The following CAPN3 variants were observed in gnomAD, a reference collection of about 807,000 sequenced individuals.
CAPN3 encodes the protein calpain 3.
In CAPN3, 88 loss-of-function variants were observed where a neutral mutation model predicts 114.0. The ratio of observed to expected loss-of-function variants is 0.77; its 90% CI spans 0.65 to 0.92. The LOEUF is 0.92. Ranked by LOEUF, CAPN3 falls within the 40% of genes least tolerant of loss-of-function variation. The probability of loss-of-function intolerance (pLI) is 0.00; values close to 1 mark genes in which losing one functional copy is unlikely to be tolerated. For synonymous variants in CAPN3, 386 were observed against 382.9 expected, an observed-to-expected ratio of 1.01 and a Z score of -0.09; for missense variants, 1,028 against 1,069.0, an observed-to-expected ratio of 0.96 and a Z score of 0.53.
At chr15:42,403,681 C>T in intron 13 of CAPN3, 60 bp from the exon 14 acceptor site, 1 of 1,506,716 alleles carries the variant, frequency 6.6e-7, no homozygotes. Flanking sequence ...GCAAACCGTC[C>T]ACGGGCCTCC....
rs1275251139 is a variant in CAPN3, at chr15:42,394,262, T to C, written c.1036T>C (p.Phe346Leu). ...YSVTGLDEVP[F>L]KGEKVKLVRL... Reference sequence around the variant, plus strand: ...CTCTTTCTGTGTGCTTAAGGTCCCGTTCAAAGGTGAGAAAGTGAAGCTGGT... The same window carrying C: ...CTCTTTCTGTGTGCTTAAGGTCCCGCTCAAAGGTGAGAAAGTGAAGCTGGT... The change falls in exon 8 of 24, where the codon TTC becomes CTC. Residue 346 changes from phenylalanine to leucine, a missense_variant. By Grantham distance (22) the Phe-to-Leu change is conservative. Transcript: ENST00000397163. The C allele has an allele frequency of 1.3e-6, 2 of 1,557,274 alleles. No individual in the cohort carries two copies. Among genetic ancestry groups the C allele is most frequent in the Admixed American group, 1.9e-5 (1 of 51,586 alleles).
intron 1 of CAPN3, among the ~76,000 whole-genome samples, chr15:42,378,216 C>T (rs2053140634): frequency 6.6e-6 from 1 of 152,234 alleles, no homozygotes; most frequent in Non-Finnish European, 1.5e-5. Flanking sequence ...TGAGTCAACA[C>T]ACCTGTGGGT....
At chr15:42,408,575 G>C (rs938590665) in intron 16 of CAPN3, 7 of 475,936 alleles carry the variant, frequency 1.5e-5, no homozygotes, top group African/African-American at 1.4e-4. Flanking sequence ...AGCTGATCCA[G>C]CCAGGATACA....
In CAPN3 at chr15:42,390,399, TC is replaced by T. The variant is rs372768365; in HGVS notation, c.945+305del. 1.7e-4 allele frequency among the ~76,000 whole-genome samples: 26 copies of T among 152,362 alleles called. 1 individual carries two copies. In the South Asian group the frequency reaches 5.2e-3, roughly 30 times the overall value. ...TACTTCATTTATTTTGAAATATTTT[TC>T]CTCTTCTAATGTATTCATTTATTCA... On this transcript the variant is annotated intron_variant, in intron 6 of 23. Coordinates refer to ENST00000397163, the MANE Select transcript of CAPN3 (RefSeq NM_000070.3).
chr15:42,388,575 G>A (rs535345271), intron 4 of CAPN3, among the ~76,000 whole-genome samples: 1 of 152,230 alleles, frequency 6.6e-6, no homozygotes, highest in Admixed American at 6.5e-5. Context: ...CCGAAGCGCT[G>A]GGATTGCCGG....
chr15:42,367,542 A>G (rs16973182), intron 1 of CAPN3, among the ~76,000 whole-genome samples: 7,997 of 152,306 alleles, frequency 0.053, 651 homozygotes, highest in African/African-American at 0.17. Flanking sequence ...AAAAGCTGCT[A>G]TTTTTAAAAT....
intron 6 of CAPN3, among the ~76,000 whole-genome samples, chr15:42,392,114 G>A (rs765151254): frequency 6.6e-6 from 1 of 152,104 alleles, no homozygotes; most frequent in African/African-American, 2.4e-5. Flanking sequence ...GCAGTGAGCC[G>A]AGATCGCGCC....
chr15:42,402,469 C>G (rs748758429), intron 12 of CAPN3: 20 of 1,426,756 alleles, frequency 1.4e-5, no homozygotes, highest in Non-Finnish European at 1.8e-5. Context: ...ATGGAGGAAT[C>G]ACTTCCCTCA....
intron 23 of CAPN3, 100 bp downstream of exon 23, chr15:42,411,445 CAGT>C (rs2054230092): frequency 9.1e-7 from 1 of 1,103,634 alleles, no homozygotes; most frequent in South Asian, 1.2e-5. Flanking sequence ...CATTTCCACA[CAGT>C]GGTGGAGGGA....
intron 10 of CAPN3, among the ~76,000 whole-genome samples, chr15:42,400,474 TA>T (rs1192298884): frequency 6.6e-6 from 1 of 152,128 alleles, no homozygotes; most frequent in Admixed American, 6.5e-5. Context: ...CTCATGCCTA[TA>T]ATCCCAGCAC....
At chr15:42,368,629 C>A (rs758378747) in intron 1 of CAPN3, among the ~76,000 whole-genome samples, 1 of 152,206 alleles carries the variant, frequency 6.6e-6, no homozygotes, top group Non-Finnish European at 1.5e-5. Context: ...CCCCTAGGAG[C>A]AATGGTTCAG....
intron 6 of CAPN3, among the ~76,000 whole-genome samples, chr15:42,391,889 C>T (rs2053564490): frequency 6.6e-6 from 1 of 152,060 alleles, no homozygotes; most frequent in South Asian, 2.1e-4. Context: ...CTTGGCCAGG[C>T]GCAGTGGCTC....
At chr15:42,403,552 G>T (rs28364499) in intron 13 of CAPN3, among the ~76,000 whole-genome samples, 189 bp from the exon 14 acceptor site, 6 of 152,252 alleles carry the variant, frequency 3.9e-5, no homozygotes, top group African/African-American at 1.4e-4. Context: ...AAGAACCTGC[G>T]TGCCTGGGCT....
intron 8 of CAPN3, among the ~76,000 whole-genome samples, chr15:42,395,481 C>G (rs1319423704): frequency 2.6e-5 from 4 of 152,184 alleles, no homozygotes; most frequent in Non-Finnish European, 5.9e-5. Context: ...GTAAGGATCA[C>G]AAAGAGGGGG....
chr15:42,385,918 C>G (rs1331529518), intron 2 of CAPN3: 1 of 698,344 alleles, frequency 1.4e-6, no homozygotes, highest in Non-Finnish European at 2.7e-6. Context: ...GTTGGAGGAA[C>G]TGCCTGCAGC....
intron 23 of CAPN3, 128 bp downstream of exon 23, chr15:42,411,473 A>C: frequency 1.1e-6 from 1 of 936,970 alleles, no homozygotes; most frequent in Non-Finnish European, 1.8e-6. Context: ...ATAGGAACAG[A>C]ACATGGAGGG....
At chr15:42,390,207 C>A in intron 6 of CAPN3, 111 bp downstream of exon 6, 1 of 1,200,670 alleles carries the variant, frequency 8.3e-7, no homozygotes, top group Non-Finnish European at 1.2e-6. Flanking sequence ...ACACCCCCAC[C>A]TGGCACCTCC....
At chr15:42,363,407 T>C (rs2052697336) in intron 1 of CAPN3, among the ~76,000 whole-genome samples, 1 of 152,124 alleles carries the variant, frequency 6.6e-6, no homozygotes, top group African/African-American at 2.4e-5. Flanking sequence ...ATACTAGGGA[T>C]AGGTTGGGGA....
At chr15:42,362,814 G>T (rs887392313) in intron 1 of CAPN3, among the ~76,000 whole-genome samples, 13 of 152,286 alleles carry the variant, frequency 8.5e-5, no homozygotes, top group Admixed American at 3.3e-4. Flanking sequence ...ACTTCTTGGA[G>T]ACATCAGTTC....
Sources: gnomAD v4.1 joint callset for allele counts (sites outside exome capture counted in the v4.1 genomes callset) on GRCh38, gnomAD v4.1.1 for gene constraint, MANE v1.5 for transcripts, NCBI Gene and HGNC (gene_info 2026-07-23, HGNC 2026-07-21) for gene names.